MAGI1: variants seen among roughly 807,000 people sequenced by gnomAD.
MAGI1 encodes the protein membrane-associated guanylate kinase, WW and PDZ domain-containing protein 1.
Under a neutral mutation model 139.9 loss-of-function variants are expected in MAGI1, and 58 were observed. The ratio of observed to expected loss-of-function variants is 0.41; its 90% confidence interval spans 0.34 to 0.52. The LOEUF (loss-of-function observed/expected upper bound fraction) is 0.52. MAGI1 is among the 20% of genes least tolerant of loss of function. The probability of loss-of-function intolerance (pLI) is 0.12; values close to 1 mark genes in which losing one functional copy is unlikely to be tolerated. For synonymous variants in MAGI1, 812 were observed against 737.9 expected (o/e 1.10, Z -1.63); for missense variants, 1,874 against 1,901.6 (o/e 0.99, Z 0.27).
intron 18 of MAGI1, among the ~76,000 whole-genome samples, chr3:65,368,247 T>C (rs1941627701): frequency 6.6e-6 from 1 of 152,194 alleles, no homozygotes; most frequent in African/African-American, 2.4e-5. Flanking sequence ...GTCAATGTAT[T>C]TGACTTTTAA....
intron 1 of MAGI1, among the ~76,000 whole-genome samples, chr3:65,812,431 ATCTCTCTCTCTCTTTC>A (rs2041302150): frequency 1.5e-5 from 2 of 131,788 alleles, no homozygotes; most frequent in Non-Finnish European, 3.2e-5. Flanking sequence ...ATTTTATAAA[ATCTCTCTCTCTCTTTC>A]TCTCTCTCTC....
intron 1 of MAGI1, among the ~76,000 whole-genome samples, chr3:65,906,299 G>A (rs1455854134): frequency 6.6e-6 from 1 of 152,208 alleles, no homozygotes; most frequent in African/African-American, 2.4e-5. Context: ...GGAAGCACCA[G>A]GGCTGGGTGC....
intron 1 of MAGI1, among the ~76,000 whole-genome samples, chr3:65,683,465 T>G (rs1326297074): frequency 3.4e-5 from 5 of 149,068 alleles, no homozygotes; most frequent in Non-Finnish European, 7.4e-5. Flanking sequence ...TCTAAAAAAA[T>G]AAAGCCTTAT....
rs1017815937 is a variant in MAGI1 at position 65,845,793 on chromosome 3, G to T, written c.313+192203C>A. On this transcript the variant is annotated intron_variant, in intron 1 of 22. Transcript: ENST00000402939. Reference sequence around the variant, plus strand: ...CTTCTCTGGTTCCAAATGACAACCTGAATTTTAGAAGTTTCACAGTCTTTT... The same window carrying T: ...CTTCTCTGGTTCCAAATGACAACCTTAATTTTAGAAGTTTCACAGTCTTTT... Among the ~76,000 whole-genome samples, 20 of 152,244 alleles carry T rather than the reference G, an allele frequency of 1.3e-4. No homozygotes were observed. The East Asian group carries it at 3.9e-3, about 29-fold the overall frequency.
At chr3:65,588,969 C>T (rs547088590) in intron 2 of MAGI1, among the ~76,000 whole-genome samples, 7 of 152,234 alleles carry the variant, frequency 4.6e-5, no homozygotes, top group Admixed American at 3.9e-4. Context: ...TGAAGTTATC[C>T]TTAAACTTAT....
intron 1 of MAGI1, among the ~76,000 whole-genome samples, chr3:65,626,323 T>G (rs1383781944): frequency 6.6e-6 from 1 of 152,116 alleles, no homozygotes; most frequent in Admixed American, 6.6e-5. Flanking sequence ...GGAAACCATT[T>G]TACTTTTTTT....
chr3:65,622,770 T>C (rs2083754163), intron 1 of MAGI1, among the ~76,000 whole-genome samples: 1 of 152,062 alleles, frequency 6.6e-6, no homozygotes, highest in African/African-American at 2.4e-5. Context: ...CAGAACCATG[T>C]AGAACAGGCT....
chr3:65,612,717 G>A (rs573792957), intron 2 of MAGI1, among the ~76,000 whole-genome samples: 12 of 152,128 alleles, frequency 7.9e-5, no homozygotes, highest in African/African-American at 1.2e-4. Flanking sequence ...TTTTACTTAC[G>A]TTTATTGAAC....
chr3:65,580,633 T>G (rs1576380787), intron 2 of MAGI1, among the ~76,000 whole-genome samples: 1 of 152,138 alleles, frequency 6.6e-6, no homozygotes, highest in Non-Finnish European at 1.5e-5. Context: ...ATAAAGTAAA[T>G]ATATCTTTCT....
chr3:65,669,083 C>A (rs921277880), intron 1 of MAGI1, among the ~76,000 whole-genome samples: 8 of 151,700 alleles, frequency 5.3e-5, no homozygotes, highest in African/African-American at 1.9e-4. Context: ...ATTACAGGTG[C>A]CTGCCACCAA....
At position 65,490,763 on chromosome 3, in the gene MAGI1, G is replaced by T. The variant is rs149601704; in HGVS notation, c.550+2749C>A. Among the ~76,000 whole-genome samples, 706 of 142,392 alleles carry T rather than the reference G, an allele frequency of 5.0e-3. 7 individuals carry two copies. Among genetic ancestry groups the T allele is most frequent in the African/African-American group, 0.017 (671 of 38,802 alleles). 93.4% of individuals were successfully genotyped at this position (142,392 alleles called of 152,430 possible). On this transcript the variant is annotated intron_variant, in intron 3 of 22. Coordinates refer to ENST00000402939, the MANE Select transcript of MAGI1 (RefSeq NM_001033057.2). ...GGAGGCTGAGGCAGGAGAATCGCTT[G>T]AACATGGGAGGGGGAGGGTGCAGTG... is the stretch of plus-strand genomic sequence containing the variant.
intron 1 of MAGI1, among the ~76,000 whole-genome samples, chr3:65,961,170 C>A (rs1186392916): frequency 6.6e-6 from 1 of 152,202 alleles, no homozygotes; most frequent in East Asian, 1.9e-4. Flanking sequence ...TGTACCCCTG[C>A]AACAGGCTAT....
chr3:65,437,084 T>G lies in MAGI1; in HGVS notation c.1363+71A>C, dbSNP rs1947909076. ...ACTTGGGAGTTACGAGATTCCACTT[T>G]TCAAAATACCTTAAAAAAAATTAGA... On this transcript the variant is annotated intron_variant, in intron 10 of 22. Transcript: ENST00000402939. 8 of 1,099,040 alleles carry G rather than the reference T, an allele frequency of 7.3e-6. No individual in the cohort carries two copies. In the Admixed American group the frequency reaches 1.5e-4, roughly 21 times the overall value. The allele number at this position is 1,099,040 out of a possible 1,614,324, so 68.1% of individuals were successfully genotyped here. A position where few individuals can be genotyped will look rare whatever the true frequency, so the allele number is the denominator to read the frequency against.
chr3:65,761,337 C>A (rs1280626567), intron 1 of MAGI1, among the ~76,000 whole-genome samples: 4 of 151,936 alleles, frequency 2.6e-5, no homozygotes, highest in Non-Finnish European at 5.9e-5. Flanking sequence ...TCTTGTCCTG[C>A]CCAACTAAAG....
intron 1 of MAGI1, among the ~76,000 whole-genome samples, chr3:65,965,101 G>A (rs2064674085): frequency 6.6e-6 from 1 of 152,194 alleles, no homozygotes; most frequent in Non-Finnish European, 1.5e-5. Flanking sequence ...AGAAACAGAT[G>A]TAGAGTATAA....
chr3:65,363,688 G>T, intron 20 of MAGI1, 80 bp from the exon 21 acceptor site: 1 of 1,214,412 alleles, frequency 8.2e-7, no homozygotes, highest in Non-Finnish European at 1.2e-6. Flanking sequence ...TGGCAAAAAG[G>T]CACAATCTCT....
intron 2 of MAGI1, among the ~76,000 whole-genome samples, chr3:65,540,114 T>A (rs1559651444): frequency 6.6e-6 from 1 of 152,156 alleles, no homozygotes; most frequent in Non-Finnish European, 1.5e-5. Context: ...AAAGGGAAAG[T>A]CACAAACCAC....
At chr3:65,844,370 C>T (rs113395828) in intron 1 of MAGI1, 3 of 333,736 alleles carry the variant, frequency 9.0e-6, no homozygotes, top group African/African-American at 2.2e-5. Context: ...GTTCCTAAAG[C>T]AGAACAGAAA....
intron 1 of MAGI1, among the ~76,000 whole-genome samples, chr3:65,658,813 A>G (rs996320073): frequency 1.3e-5 from 2 of 152,344 alleles, no homozygotes; most frequent in South Asian, 2.1e-4. Context: ...ACGAAGTGAA[A>G]TAAGTGCAAA....
Sources: gnomAD v4.1 joint callset for allele counts (sites outside exome capture counted in the v4.1 genomes callset) on GRCh38, gnomAD v4.1.1 for gene constraint, MANE v1.5 for transcripts, NCBI Gene and HGNC (gene_info 2026-07-23, HGNC 2026-07-21) for gene names.